The following SCLT1 variants were observed in gnomAD, a reference collection of about 807,000 sequenced individuals.
The protein encoded by SCLT1 is sodium channel-associated protein 1.
Under a neutral mutation model 112.8 loss-of-function variants are expected in SCLT1, and 78 were observed. The ratio of observed to expected loss-of-function variants is 0.69; its 90% confidence interval spans 0.58 to 0.83. The LOEUF (loss-of-function observed/expected upper bound fraction) is 0.83, where lower values mean the gene tolerates loss of function less well. SCLT1 is among the 40% of genes least tolerant of loss of function. The probability of loss-of-function intolerance (pLI) is 0.00; values close to 1 mark genes in which losing one functional copy is unlikely to be tolerated. For synonymous variants in SCLT1, 257 were observed against 254.7 expected, an observed-to-expected ratio of 1.01 and a Z score of -0.09; for missense variants, 747 against 770.4, an observed-to-expected ratio of 0.97 and a Z score of 0.36.
At chr4:128,883,234 A>G (rs1174271522), downstream of SCLT1, among the ~76,000 whole-genome samples, 1 of 151,946 alleles carries the variant, frequency 6.6e-6, no homozygotes, top group Non-Finnish European at 1.5e-5. Context: ...ACAGAAGTAA[A>G]AGAAGGCCAT....
intron 4 of SCLT1, among the ~76,000 whole-genome samples, chr4:129,042,470 G>A (rs1217777495): frequency 6.6e-6 from 1 of 152,088 alleles, no homozygotes; most frequent in Non-Finnish European, 1.5e-5. Context: ...AATGGGAGAT[G>A]CAGATAGAAT....
At chr4:128,995,321 A>AT (rs2126074447) in intron 8 of SCLT1, among the ~76,000 whole-genome samples, 1 of 151,752 alleles carries the variant, frequency 6.6e-6, no homozygotes, top group East Asian at 1.9e-4. Flanking sequence ...ACTTTTTAAT[A>AT]TTTTTTCTCT....
chr4:128,923,212 G>A (rs1342613675), intron 18 of SCLT1, among the ~76,000 whole-genome samples: 7 of 152,006 alleles, frequency 4.6e-5, no homozygotes, highest in Non-Finnish European at 8.8e-5. Context: ...TTGGGAGGCC[G>A]AGGCAGGTGG....
At chr4:128,958,318 G>C (rs1739383084) in intron 12 of SCLT1, among the ~76,000 whole-genome samples, 1 of 152,146 alleles carries the variant, frequency 6.6e-6, no homozygotes, top group Admixed American at 6.5e-5. Context: ...GGGGGAGAAG[G>C]GGAACTATGC....
intron 18 of SCLT1, among the ~76,000 whole-genome samples, chr4:128,905,145 ACTT>A (rs559017135): frequency 9.6e-4 from 146 of 152,314 alleles, no homozygotes; most frequent in African/African-American, 3.3e-3. Context: ...AATGGAAACT[ACTT>A]CTTATCTATC....
chr4:128,974,159 A>G (rs997978459), intron 9 of SCLT1, among the ~76,000 whole-genome samples: 22 of 152,304 alleles, frequency 1.4e-4, no homozygotes, highest in African/African-American at 5.1e-4. Flanking sequence ...TGCAGCTACC[A>G]TCATCATTTT....
At chr4:129,021,318 G>A (rs1253053674) in intron 5 of SCLT1, among the ~76,000 whole-genome samples, 6 of 152,128 alleles carry the variant, frequency 3.9e-5, no homozygotes, top group African/African-American at 9.7e-5. Flanking sequence ...CCCCAGTGGC[G>A]CCTGGAACGA....
intron 5 of SCLT1, among the ~76,000 whole-genome samples, chr4:129,035,548 A>G (rs1271161767): frequency 6.6e-6 from 1 of 152,172 alleles, no homozygotes; most frequent in African/African-American, 2.4e-5. Context: ...GAAGGAAAAA[A>G]AAACAGCTCT....
chr4:128,937,359 G>T (rs1055874880), intron 17 of SCLT1, among the ~76,000 whole-genome samples: 4 of 151,808 alleles, frequency 2.6e-5, no homozygotes, highest in African/African-American at 9.7e-5. Context: ...ATAATGTTAT[G>T]TCAGTAAAAC....
At chr4:129,066,833 T>C (rs1406878626) in intron 2 of SCLT1, among the ~76,000 whole-genome samples, 1 of 152,042 alleles carries the variant, frequency 6.6e-6, no homozygotes, top group Non-Finnish European at 1.5e-5. Context: ...ATAAAGTAAT[T>C]TCAGGTATAA....
At chr4:128,929,389 AATTT>A (rs1736574833) in intron 18 of SCLT1, among the ~76,000 whole-genome samples, 1 of 152,188 alleles carries the variant, frequency 6.6e-6, no homozygotes, top group Non-Finnish European at 1.5e-5. Flanking sequence ...GCTTGTTCTA[AATTT>A]ATTTATAGAG....
intron 2 of SCLT1, among the ~76,000 whole-genome samples, chr4:129,072,252 C>G (rs113534939): frequency 2.0e-5 from 3 of 152,144 alleles, no homozygotes; most frequent in African/African-American, 7.2e-5. Flanking sequence ...TTTGCTTCAT[C>G]TTAACTTTGG....
chr4:128,960,187 T>G (rs1739562961), intron 11 of SCLT1, among the ~76,000 whole-genome samples: 1 of 152,168 alleles, frequency 6.6e-6, no homozygotes, highest in Non-Finnish European at 1.5e-5. Context: ...CCTTTCATAC[T>G]CTCTACCCAG....
intron 9 of SCLT1, 102 bp from the exon 10 acceptor site, chr4:128,970,570 T>C: frequency 1.5e-6 from 1 of 684,456 alleles, no homozygotes; most frequent in Non-Finnish European, 2.5e-6. Context: ...CTAACTCTTG[T>C]TTATCTAAAA....
intron 2 of SCLT1, among the ~76,000 whole-genome samples, chr4:129,079,210 A>G (rs1017271080): frequency 2.6e-5 from 4 of 152,148 alleles, no homozygotes; most frequent in African/African-American, 9.7e-5. Context: ...ACTGGAAAAT[A>G]CAATCGTCCC....
At position 129,036,567 on chromosome 4, in the gene SCLT1, A is replaced by C. The variant is rs1415253722; in HGVS notation, c.290+2474T>G. Reference sequence around the variant, plus strand: ...AAAAAAAATTTCCCATGGGAAAAAAACAAAAATAAATGAGAAAAACTAAAA... The same window carrying C: ...AAAAAAAATTTCCCATGGGAAAAAACCAAAAATAAATGAGAAAAACTAAAA... On this transcript the variant is annotated intron_variant, in intron 5 of 20. Transcript: ENST00000281142. 2.6e-5 allele frequency: 4 copies of C among 152,146 alleles called. No individual in the cohort carries two copies. The East Asian group carries it at 5.8e-4, about 22-fold the overall frequency. 9.4% of individuals were successfully genotyped at this position (152,146 alleles called of 1,614,324 possible).
intron 8 of SCLT1, among the ~76,000 whole-genome samples, chr4:128,996,396 A>C (rs1354272641): frequency 6.6e-6 from 1 of 152,166 alleles, no homozygotes; most frequent in Non-Finnish European, 1.5e-5. Flanking sequence ...TTCTACATCT[A>C]TAAAAATCTA....
At chr4:128,978,824 C>T (rs191883680) in intron 9 of SCLT1, among the ~76,000 whole-genome samples, 4 of 151,732 alleles carry the variant, frequency 2.6e-5, no homozygotes, top group Admixed American at 6.6e-5. Context: ...AGAATATAAC[C>T]GAAACATACA....
intron 2 of SCLT1, among the ~76,000 whole-genome samples, chr4:129,049,438 A>G (rs1748534318): frequency 7.4e-6 from 1 of 134,280 alleles, no homozygotes; most frequent in South Asian, 2.3e-4. Flanking sequence ...ATGAGAACAC[A>G]TGGACACAGG....
Sources: gnomAD v4.1 joint callset for allele counts (sites outside exome capture counted in the v4.1 genomes callset) on GRCh38, gnomAD v4.1.1 for gene constraint, MANE v1.5 for transcripts, NCBI Gene and HGNC (gene_info 2026-07-23, HGNC 2026-07-21) for gene names.